The following EHMT2 variants were observed in gnomAD, a reference collection of about 807,000 sequenced individuals.
The protein encoded by EHMT2 is euchromatic histone lysine methyltransferase 2.
In EHMT2, 59 loss-of-function variants were observed where a neutral mutation model predicts 143.3. The ratio of observed to expected loss-of-function variants is 0.41; its 90% CI spans 0.33 to 0.51. EHMT2 has a LOEUF of 0.51. Among genes scored for constraint, EHMT2 ranks in the 20% least tolerant of loss-of-function variants. EHMT2 has a pLI of 0.18. For synonymous variants in EHMT2, 604 were observed against 651.5 expected, an observed-to-expected ratio of 0.93 and a Z score of 1.11; for missense variants, 1,174 against 1,645.9, an observed-to-expected ratio of 0.71 and a Z score of 4.96.
In EHMT2 at chr6:31,883,171, G is replaced by A. The variant is rs1764337293; in HGVS notation, c.2995-162C>T. On this transcript the variant is annotated intron_variant, in intron 23 of 27. Coordinates refer to ENST00000375537, the Ensembl canonical transcript of EHMT2. This position sits in a 1 kb window ranked among gnomAD's most constrained non-coding sequence, Gnocchi z 5.6. ...AATGCAGGAGCATCATCCCTGGTTT[G>A]CATAGACCTGGGCACACGCCCATCG... The A allele has an allele frequency of 1.2e-6, 1 of 857,014 alleles. No homozygotes were observed. The highest frequency in any genetic ancestry group is 1.9e-6 in the Non-Finnish European group (1 of 534,864). The allele number at this position is 857,014 out of a possible 1,614,324, so 53.1% of individuals were successfully genotyped here.
At chr6:31,892,034 G>A (rs545012768) in intron 7 of EHMT2, among the ~76,000 whole-genome samples, 34 of 152,258 alleles carry the variant, frequency 2.2e-4, no homozygotes, top group African/African-American at 7.7e-4. Context: ...CTAAGGTCAG[G>A]AGTTAGAGAC....
chr6:31,897,290 C>A (rs934408186), intron 1 of EHMT2: 10 of 729,610 alleles, frequency 1.4e-5, no homozygotes, highest in African/African-American at 1.9e-5. Flanking sequence ...GCGCCGCTCC[C>A]CCTTTGTCCC....
At chr6:31,886,923 C>A in intron 16 of EHMT2, 26 bp from the exon 17 acceptor site, 1 of 1,614,008 alleles carries the variant, frequency 6.2e-7, no homozygotes, top group Non-Finnish European at 8.5e-7. Context: ...AGGGCTGGCA[C>A]CAGGGAGGCA....
In EHMT2 at chr6:31,883,579, G is replaced by GACGGGTAA. The variant is rs1292807676; in HGVS notation, c.2917-148_2917-141dup. 9.8e-7 allele frequency: 1 copy of GACGGGTAA among 1,015,728 alleles called. No individual in the cohort carries two copies. Among genetic ancestry groups the GACGGGTAA allele is most frequent in the East Asian group, 2.6e-5 (1 of 39,006 alleles). 62.9% of individuals were successfully genotyped at this position (1,015,728 alleles called of 1,614,324 possible). A position where few individuals can be genotyped will look rare whatever the true frequency, so the allele number is the denominator to read the frequency against. On this transcript the variant is annotated intron_variant, in intron 22 of 27. Coordinates refer to ENST00000375537, the Ensembl canonical transcript of EHMT2. This position sits in a 1 kb window ranked among gnomAD's most constrained non-coding sequence, Gnocchi z 5.6. ...CAGTGGGTGGTGATGGTCCTAGGGT[G>GACGGGTAA]ACGGGTAATCAGTATGGTGGTGTCC... is the stretch of plus-strand genomic sequence containing the variant.
chr6:31,896,815 G>A (rs747925613), exon 3 of EHMT2: 2 of 1,612,984 alleles, frequency 1.2e-6, no homozygotes, highest in Non-Finnish European at 1.7e-6. Context: ...GTCCCCCAAA[G>A]AGCCATGAAC....
At chr6:31,896,495 G>A (rs779011466) in exon 4 of EHMT2, 12 of 1,612,786 alleles carry the variant, frequency 7.4e-6, no homozygotes, top group Non-Finnish European at 4.2e-6. Flanking sequence ...GGGGGAAGAG[G>A]GGAATGACTT....
intron 4 of EHMT2, chr6:31,893,702 C>A: frequency 3.6e-6 from 1 of 276,104 alleles, no homozygotes. Context: ...CATGGTACAA[C>A]ATAGATGAAC....
rs1562468387 is a variant in EHMT2 at position 31,880,162 on chromosome 6, C to T, written c.3555G>A (p.Glu1185=). Residue 1185 remains glutamate, a synonymous_variant, in exon 28 of 28, where the codon GAG becomes GAA. Transcript: ENST00000375537. This position sits in a 1 kb window ranked among gnomAD's most constrained non-coding sequence, Gnocchi z 6.6. ...GGTCCAGGCGGGCCAGACGGCTCTG[C>T]TCCAGGGCAATGGCTTCGGCTGAGT... The T allele has an allele frequency of 1.2e-6, 2 of 1,613,058 alleles. No individual in the cohort carries two copies. The highest frequency in any genetic ancestry group is 1.7e-6 in the Non-Finnish European group (2 of 1,180,034).
chr6:31,892,335 C>G, intron 7 of EHMT2, 72 bp downstream of exon 7: 1 of 1,532,782 alleles, frequency 6.5e-7, no homozygotes, highest in Non-Finnish European at 8.8e-7. Context: ...AAACAGGGAA[C>G]AAGGAGGACT....
chr6:31,888,324 C>G lies in EHMT2; in HGVS notation c.1509+39G>C. The G allele has an allele frequency of 6.2e-7, 1 of 1,611,654 alleles. No individual in the cohort carries two copies. The highest frequency in any genetic ancestry group is 8.5e-7 in the Non-Finnish European group (1 of 1,179,220). On this transcript the variant is annotated intron_variant, in intron 12 of 27. Transcript: ENST00000375537. This position sits in a 1 kb window ranked among gnomAD's most constrained non-coding sequence, Gnocchi z 7.4. ...GTCAGGTTACTGGGGCCCCCTCTGCCACAGGGCATGCTACCTGTCTGCCCC... is the reference window on the plus strand; with the variant it reads ...GTCAGGTTACTGGGGCCCCCTCTGCGACAGGGCATGCTACCTGTCTGCCCC...
At chr6:31,886,891 C>A (rs1194563147) in exon 17 of EHMT2, 1 of 1,614,036 alleles carries the variant, frequency 6.2e-7, no homozygotes, top group Non-Finnish European at 8.5e-7. Context: ...TTTATGTTGG[C>A]TCCAGCCTGT....
chr6:31,888,927 G>T lies in EHMT2; in HGVS notation c.1216+42C>A. ...CCTTCCCTTTCCCTCCTGCCCTGAG[G>T]TCGCCCCCTAGTGGCTCCCTGTCCC... On this transcript the variant is annotated intron_variant, in intron 10 of 27. Transcript: ENST00000375537. This position sits in a 1 kb window ranked among gnomAD's most constrained non-coding sequence, Gnocchi z 7.4. 1 of 1,553,482 alleles carries T rather than the reference G, an allele frequency of 6.4e-7. No homozygotes were observed. The highest frequency in any genetic ancestry group is 8.7e-7 in the Non-Finnish European group (1 of 1,143,606).
chr6:31,897,686 G>T, upstream of EHMT2: 4 of 1,110,560 alleles, frequency 3.6e-6, no homozygotes, highest in Non-Finnish European at 4.5e-6. Context: ...ATCGCCGCTT[G>T]CGCTGGGGGC....
intron 7 of EHMT2, among the ~76,000 whole-genome samples, chr6:31,890,557 AT>A (rs202183742): frequency 0.018 from 2,648 of 143,444 alleles, 42 homozygotes; most frequent in Non-Finnish European, 0.028. Flanking sequence ...GGGCCAAAAA[AT>A]TTTTTTTTAG....
At position 31,883,549 on chromosome 6, in the gene EHMT2, T is replaced by G; in HGVS notation, c.2917-110A>C. On this transcript the variant is annotated intron_variant, in intron 22 of 27. Transcript: ENST00000375537. The surrounding 1 kb of genome is among the most constrained non-coding windows in gnomAD (Gnocchi z 5.6). ...TGTCCTTTCTTTGGGGTCCATGTGT[T>G]ACAACAGTGGGTGGTGATGGTCCTA... 1 of 1,195,054 alleles carries G rather than the reference T, an allele frequency of 8.4e-7. No individual in the cohort carries two copies. Among genetic ancestry groups the G allele is most frequent in the Non-Finnish European group, 1.2e-6 (1 of 826,048 alleles). 74.0% of individuals were successfully genotyped at this position (1,195,054 alleles called of 1,614,324 possible).
In EHMT2 at chr6:31,883,478, C is replaced by T. The variant is rs766215001; in HGVS notation, c.2917-39G>A. 4.5e-5 allele frequency: 71 copies of T among 1,585,788 alleles called. No individual in the cohort carries two copies. Among genetic ancestry groups the T allele is most frequent in the Non-Finnish European group, 4.7e-5 (55 of 1,163,112 alleles). The stretch of plus-strand genomic sequence containing the variant: ...GCAGAGGTCAGCTCAACCCCATGAT[C>T]GGTCTGGGCCCCTCTACTCTTGATG... On this transcript the variant is annotated intron_variant, in intron 22 of 27. Transcript: ENST00000375537. The surrounding 1 kb of genome is among the most constrained non-coding windows in gnomAD (Gnocchi z 5.6).
intron 24 of EHMT2, 38 bp from the exon 25 acceptor site, chr6:31,882,823 C>T (rs1333714374): frequency 6.2e-7 from 1 of 1,611,876 alleles, no homozygotes; most frequent in African/African-American, 1.3e-5. Flanking sequence ...GGTGGAGGCC[C>T]TGGAAAAGCC....
Position 31,883,513 on chromosome 6 carries a change from C to T in EHMT2, c.2917-74G>A, listed in dbSNP as rs573099934. ...CCCTCTACTCTTGATGCCCCCTGAC[C>T]CCCTAACCACTGTCCTTTCTTTGGG... On this transcript the variant is annotated intron_variant, in intron 22 of 27. Transcript: ENST00000375537. This position sits in a 1 kb window ranked among gnomAD's most constrained non-coding sequence, Gnocchi z 5.6. 142 of 1,439,638 alleles carry T rather than the reference C, an allele frequency of 9.9e-5. No individual in the cohort carries two copies. In the Middle Eastern group the frequency reaches 2.6e-3, roughly 26 times the overall value. The allele number at this position is 1,439,638 out of a possible 1,614,324, so 89.2% of individuals were successfully genotyped here.
At chr6:31,894,292 C>T (rs1042155524) in intron 4 of EHMT2, among the ~76,000 whole-genome samples, 1 of 152,078 alleles carries the variant, frequency 6.6e-6, no homozygotes, top group African/African-American at 2.4e-5. Context: ...CTGTTACAGG[C>T]ATGTACCACC....
Sources: allele counts gnomAD v4.1 joint callset (sites outside exome capture counted in the v4.1 genomes callset), GRCh38; gene constraint gnomAD v4.1.1; non-coding constraint Gnocchi (gnomAD v3.1); transcripts MANE v1.5; gene names NCBI Gene and HGNC (gene_info 2026-07-23, HGNC 2026-07-21).